Variants in PID1 observed in about 807,000 individuals in gnomAD.
The protein encoded by PID1 is phosphotyrosine interaction domain containing 1.
In PID1, 10 loss-of-function variants were observed where a neutral mutation model predicts 19.1. That is an observed-to-expected ratio of 0.52 (90% CI 0.32 to 0.89). PID1 has a LOEUF of 0.89. Ranked by LOEUF, PID1 falls within the 40% of genes least tolerant of loss-of-function variation. The probability of loss-of-function intolerance (pLI) is 0.03; values close to 1 mark genes in which losing one functional copy is unlikely to be tolerated. For missense variants in PID1, 248 were observed against 285.3 expected (o/e 0.87, Z 0.94); for synonymous variants, 130 against 116.0 (o/e 1.12, Z -0.78).
intron 2 of PID1, among the ~76,000 whole-genome samples, chr2:229,095,464 AT>A (rs1405060126): frequency 2.0e-5 from 3 of 152,168 alleles, no homozygotes; most frequent in Non-Finnish European, 4.4e-5. Flanking sequence ...GTAATTTCTG[AT>A]TAACAAATTA....
intron 1 of PID1, among the ~76,000 whole-genome samples, chr2:229,226,230 C>CA (rs1692075110): frequency 6.6e-6 from 1 of 152,188 alleles, no homozygotes; most frequent in African/African-American, 2.4e-5. Context: ...GACACTTAGG[C>CA]AGCAGTATCC....
intron 1 of PID1, among the ~76,000 whole-genome samples, chr2:229,206,254 T>C (rs1464354750): frequency 2.1e-5 from 3 of 146,242 alleles, no homozygotes; most frequent in Non-Finnish European, 4.5e-5. Context: ...CTAGTATAAG[T>C]ACAAAAAAAA....
chr2:229,197,018 A>G (rs1691391861), intron 1 of PID1, among the ~76,000 whole-genome samples: 1 of 152,106 alleles, frequency 6.6e-6, no homozygotes, highest in Non-Finnish European at 1.5e-5. Context: ...AAACATATTT[A>G]TCACTGTATA....
chr2:229,262,913 T>C (rs1690498707), intron 1 of PID1: 3 of 1,484,616 alleles, frequency 2.0e-6, no homozygotes, highest in South Asian at 2.8e-5. Flanking sequence ...ACATTAGTCA[T>C]TGGCTCTAGG....
Position 229,234,447 on chromosome 2 carries a change from T to C in PID1, c.30+36567A>G, listed in dbSNP as rs553908506. Among the ~76,000 whole-genome samples, 16 of 152,274 alleles carry C rather than the reference T, an allele frequency of 1.1e-4. No homozygotes were observed. The South Asian group carries it at 3.3e-3, about 32-fold the overall frequency. Reference sequence around the variant, plus strand: ...GAAAGGGGCCACAAGCCTAGGAATGTGAGCAGGGAAACTTCTGGTAGCTTA... The same window carrying C: ...GAAAGGGGCCACAAGCCTAGGAATGCGAGCAGGGAAACTTCTGGTAGCTTA... On this transcript the variant is annotated intron_variant, in intron 1 of 2. Transcript: ENST00000392055.
chr2:229,239,700 A>T (rs1689821588), intron 1 of PID1, among the ~76,000 whole-genome samples: 1 of 152,176 alleles, frequency 6.6e-6, no homozygotes, highest in Admixed American at 6.5e-5. Flanking sequence ...AATTTAAGTC[A>T]CTAATCCTTC....
At chr2:229,182,888 G>A (rs1690977179) in intron 1 of PID1, among the ~76,000 whole-genome samples, 1 of 152,164 alleles carries the variant, frequency 6.6e-6, no homozygotes, top group Admixed American at 6.5e-5. Flanking sequence ...CATTCTCACT[G>A]TAGTCCCTTA....
chr2:229,201,161 T>C (rs1691491490), intron 1 of PID1, among the ~76,000 whole-genome samples: 1 of 152,130 alleles, frequency 6.6e-6, no homozygotes, highest in Admixed American at 6.6e-5. Flanking sequence ...CATTTTTCAG[T>C]GTACAGTTCA....
chr2:229,228,287 G>A (rs1419946), intron 1 of PID1, among the ~76,000 whole-genome samples: 47,420 of 152,020 alleles, frequency 0.31, 7,899 homozygotes, highest in East Asian at 0.66. Context: ...TGTTACAATT[G>A]TTAATTCACA....
At chr2:229,098,482 G>A (rs1403565884) in intron 2 of PID1, among the ~76,000 whole-genome samples, 1 of 152,106 alleles carries the variant, frequency 6.6e-6, no homozygotes, top group Admixed American at 6.5e-5. Flanking sequence ...TTCTTAAGTA[G>A]TTTCCACTTG....
intron 2 of PID1, among the ~76,000 whole-genome samples, chr2:229,042,983 AAGAG>A (rs1017083704): frequency 1.3e-5 from 2 of 150,502 alleles, no homozygotes; most frequent in African/African-American, 2.4e-5. Context: ...GTAGCGCAGA[AAGAG>A]AGAGAGAGGA....
chr2:229,128,240 A>T (rs1695663835), intron 2 of PID1, among the ~76,000 whole-genome samples: 1 of 152,224 alleles, frequency 6.6e-6, no homozygotes, highest in Admixed American at 6.5e-5. Flanking sequence ...CTCAGAAGGC[A>T]CTTATTCCAA....
intron 1 of PID1, among the ~76,000 whole-genome samples, chr2:229,180,827 G>A (rs1470607121): frequency 2.0e-5 from 3 of 152,218 alleles, no homozygotes; most frequent in Admixed American, 1.3e-4. Flanking sequence ...CTTTCGATCC[G>A]CTGAGGGCAA....
At chr2:229,152,658 G>GAAA (rs568499393) in intron 2 of PID1, among the ~76,000 whole-genome samples, 8 of 128,678 alleles carry the variant, frequency 6.2e-5, no homozygotes, top group African/African-American at 1.8e-4. Flanking sequence ...CTCTACTCCA[G>GAAA]AAAAAAAAAA....
chr2:229,094,661 G>A (rs1458288332), intron 2 of PID1, among the ~76,000 whole-genome samples: 1 of 151,796 alleles, frequency 6.6e-6, no homozygotes, highest in Non-Finnish European at 1.5e-5. Context: ...CTTTGACAAA[G>A]CATACAAAAA....
intron 2 of PID1, among the ~76,000 whole-genome samples, chr2:229,097,842 C>G (rs992069025): frequency 1.3e-5 from 2 of 152,094 alleles, no homozygotes; most frequent in African/African-American, 2.4e-5. Flanking sequence ...ACAGAGAAGA[C>G]AAGCAAGGAG....
At chr2:229,245,643 A>C (rs1190454922) in intron 1 of PID1, among the ~76,000 whole-genome samples, 1 of 152,186 alleles carries the variant, frequency 6.6e-6, no homozygotes, top group African/African-American at 2.4e-5. Context: ...ACTGATAAAA[A>C]ATACTTGAAC....
At chr2:229,046,347 AGTGTGTGTGTGTGTGT>A (rs35091766) in intron 2 of PID1, among the ~76,000 whole-genome samples, 1 of 141,284 alleles carries the variant, frequency 7.1e-6, no homozygotes, top group South Asian at 2.3e-4. Context: ...AAATTAGGAA[AGTGTGTGTGTGTGTGT>A]GTGTGTGTGT....
chr2:229,073,625 C>A (rs1250555146), intron 2 of PID1, among the ~76,000 whole-genome samples: 2 of 152,120 alleles, frequency 1.3e-5, no homozygotes, highest in Admixed American at 1.3e-4. Flanking sequence ...GTAGGAAGTA[C>A]AGACATCACA....
Sources: gnomAD v4.1 joint callset for allele counts (sites outside exome capture counted in the v4.1 genomes callset) on GRCh38, gnomAD v4.1.1 for gene constraint, MANE v1.5 for transcripts, NCBI Gene and HGNC (gene_info 2026-07-23, HGNC 2026-07-21) for gene names.